MPPED2: variants seen among roughly 807,000 people sequenced by gnomAD.
MPPED2 encodes the protein metallophosphoesterase MPPED2.
Under a neutral mutation model 33.0 loss-of-function variants are expected in MPPED2, and 5 were observed. The observed-to-expected ratio is 0.15, with a 90% CI of 0.08 to 0.32. The LOEUF is 0.32. MPPED2 is among the 10% of genes least tolerant of loss of function. The pLI is 1.00. For missense variants in MPPED2, 275 were observed against 372.1 expected, an observed-to-expected ratio of 0.74 and a Z score of 2.15; for synonymous variants, 136 against 141.9, an observed-to-expected ratio of 0.96 and a Z score of 0.29.
At chr11:30,569,195 C>T (rs988437119) in intron 2 of MPPED2, among the ~76,000 whole-genome samples, 1 of 152,044 alleles carries the variant, frequency 6.6e-6, no homozygotes, top group South Asian at 2.1e-4. Flanking sequence ...TCCACCACCA[C>T]CGAGGGGCAC....
At chr11:30,403,933 C>A (rs965445122) in intron 6 of MPPED2, among the ~76,000 whole-genome samples, 1 of 152,082 alleles carries the variant, frequency 6.6e-6, no homozygotes, top group Admixed American at 6.5e-5. Context: ...TATGTAGTAC[C>A]CTTTCTCTTC....
intron 4 of MPPED2, among the ~76,000 whole-genome samples, chr11:30,429,595 C>T (rs1156833671): frequency 6.6e-6 from 1 of 152,128 alleles, no homozygotes; most frequent in Non-Finnish European, 1.5e-5. Flanking sequence ...ATTAATTGGG[C>T]TCAACAAACA....
chr11:30,506,116 C>T (rs1952814467), intron 3 of MPPED2, among the ~76,000 whole-genome samples: 1 of 152,132 alleles, frequency 6.6e-6, no homozygotes, highest in Non-Finnish European at 1.5e-5. Flanking sequence ...CAGTTCACTG[C>T]AACCTCCGCC....
intron 6 of MPPED2, among the ~76,000 whole-genome samples, chr11:30,393,239 G>A (rs1947801850): frequency 6.6e-6 from 1 of 151,746 alleles, no homozygotes. Flanking sequence ...CTTCCTAATA[G>A]ACAACCCTAT....
chr11:30,458,942 T>C (rs1343306927), intron 4 of MPPED2, among the ~76,000 whole-genome samples: 2 of 135,000 alleles, frequency 1.5e-5, no homozygotes, highest in East Asian at 4.9e-4. Flanking sequence ...TTTTTTTTTT[T>C]TGAGACGGAG....
chr11:30,482,217 T>C (rs1951522740), intron 4 of MPPED2, among the ~76,000 whole-genome samples: 1 of 152,216 alleles, frequency 6.6e-6, no homozygotes, highest in Non-Finnish European at 1.5e-5. Flanking sequence ...TTGTGGTGTA[T>C]TATCTTTCAG....
chr11:30,458,350 C>A (rs1950368785), intron 4 of MPPED2, among the ~76,000 whole-genome samples: 1 of 152,170 alleles, frequency 6.6e-6, no homozygotes, highest in Non-Finnish European at 1.5e-5. Flanking sequence ...AATTATGGAA[C>A]CAGTAATTGA....
intron 2 of MPPED2, among the ~76,000 whole-genome samples, chr11:30,542,851 C>G (rs1482636352): frequency 6.6e-6 from 1 of 152,132 alleles, no homozygotes; most frequent in Non-Finnish European, 1.5e-5. Flanking sequence ...TTTCCACCCA[C>G]TTAATTTTGC....
intron 2 of MPPED2, among the ~76,000 whole-genome samples, chr11:30,565,331 C>T (rs1769461517): frequency 6.6e-6 from 1 of 152,098 alleles, no homozygotes; most frequent in Non-Finnish European, 1.5e-5. Context: ...AATACAGGCT[C>T]ATTTAAATTG....
intron 4 of MPPED2, among the ~76,000 whole-genome samples, chr11:30,435,374 T>G (rs1288575304): frequency 6.6e-6 from 1 of 152,212 alleles, no homozygotes; most frequent in Non-Finnish European, 1.5e-5. Flanking sequence ...GTCTGCCTTT[T>G]TCAATAAACG....
intron 2 of MPPED2, among the ~76,000 whole-genome samples, chr11:30,543,181 A>G (rs1333193644): frequency 1.3e-5 from 2 of 152,218 alleles, no homozygotes; most frequent in Admixed American, 1.3e-4. Flanking sequence ...TAAAATGCTG[A>G]TAAAGATATA....
chr11:30,400,836 C>T (rs1590158228), intron 6 of MPPED2, among the ~76,000 whole-genome samples: 3 of 151,948 alleles, frequency 2.0e-5, no homozygotes, highest in Admixed American at 2.0e-4. Context: ...TCATGGCTCA[C>T]TGCAGCCTCA....
chr11:30,391,257 T>G (rs190842668), intron 6 of MPPED2, among the ~76,000 whole-genome samples: 146 of 152,312 alleles, frequency 9.6e-4, no homozygotes, highest in African/African-American at 3.5e-3. Context: ...GCTTTTTTGC[T>G]GAATGGCCTA....
At chr11:30,423,070 G>A (rs1337909722) in intron 4 of MPPED2, among the ~76,000 whole-genome samples, 1 of 152,204 alleles carries the variant, frequency 6.6e-6, no homozygotes, top group African/African-American at 2.4e-5. Flanking sequence ...AAGTTAGGAC[G>A]AAATCGCTGA....
At position 30,583,134 on chromosome 11, in the gene MPPED2, C is replaced by CTTTTTTTTTTT. The variant is rs199611856; in HGVS notation, c.-121-2651_-121-2641dup. Among the ~76,000 whole-genome samples, 121 of 96,656 alleles carry CTTTTTTTTTTT rather than the reference C, an allele frequency of 1.3e-3. 11 individuals are homozygous for CTTTTTTTTTTT. The highest frequency in any genetic ancestry group is 4.9e-3 in the African/African-American group (101 of 20,674). 63.4% of individuals were successfully genotyped at this position (96,656 alleles called of 152,430 possible). On this transcript the variant is annotated intron_variant, in intron 1 of 6. Coordinates refer to ENST00000358117, the MANE Select transcript of MPPED2 (RefSeq NM_001584.3). ...CACAAACACCTGGAAAAGACTTTTTCTTTTTTTTTTTTTTTTTTTTTTTTT... is the reference window on the plus strand; with the variant it reads ...CACAAACACCTGGAAAAGACTTTTTCTTTTTTTTTTTTTTTTTTTTTTTTTTTTTTTTTTTT...
At chr11:30,430,645 G>A (rs956852282) in intron 4 of MPPED2, among the ~76,000 whole-genome samples, 1 of 152,144 alleles carries the variant, frequency 6.6e-6, no homozygotes. Context: ...GCACAGAGTT[G>A]TTCACACAGT....
intron 4 of MPPED2, among the ~76,000 whole-genome samples, chr11:30,422,625 G>T (rs1475317315): frequency 6.6e-6 from 1 of 152,152 alleles, no homozygotes; most frequent in Non-Finnish European, 1.5e-5. Flanking sequence ...AATGGGTTTT[G>T]TTGTGTAGCA....
At chr11:30,392,907 C>T (rs1947798065) in intron 6 of MPPED2, among the ~76,000 whole-genome samples, 1 of 152,138 alleles carries the variant, frequency 6.6e-6, no homozygotes, top group South Asian at 2.1e-4. Context: ...TAGCTTCTTT[C>T]CAAACACTTT....
chr11:30,388,634 C>G, exon 7 of MPPED2: 1 of 314,798 alleles, frequency 3.2e-6, no homozygotes, highest in Middle Eastern at 7.1e-4. Flanking sequence ...CTGCAGTGGC[C>G]CTTTATGCAC....
Sources: gnomAD v4.1 joint callset for allele counts (sites outside exome capture counted in the v4.1 genomes callset) on GRCh38, gnomAD v4.1.1 for gene constraint, MANE v1.5 for transcripts, NCBI Gene and HGNC (gene_info 2026-07-23, HGNC 2026-07-21) for gene names.